Variants in BABAM2 observed in about 807,000 individuals in gnomAD.
BABAM2 encodes the protein BRISC and BRCA1-A complex member 2.
A neutral mutation model predicts 54.7 loss-of-function variants in BABAM2; 31 were observed. The ratio of observed to expected loss-of-function variants is 0.57; its 90% confidence interval spans 0.43 to 0.77. The LOEUF (loss-of-function observed/expected upper bound fraction) is 0.77, where lower values mean the gene tolerates loss of function less well. Ranked by LOEUF, BABAM2 falls within the 30% of genes least tolerant of loss-of-function variation. The pLI is 0.00. For missense variants in BABAM2, 364 were observed against 455.8 expected (o/e 0.80, Z 1.83); for synonymous variants, 167 against 162.9 (o/e 1.03, Z -0.19).
intron 10 of BABAM2, among the ~76,000 whole-genome samples, chr2:28,276,452 G>GTAA (rs370657110): frequency 3.5e-4 from 54 of 152,270 alleles, no homozygotes; most frequent in African/African-American, 1.2e-3. Context: ...ATATGCCTTT[G>GTAA]TAACGCGCAG....
intron 7 of BABAM2, among the ~76,000 whole-genome samples, chr2:28,220,272 C>T (rs1214484914): frequency 2.0e-5 from 3 of 152,148 alleles, no homozygotes; most frequent in African/African-American, 7.2e-5. Context: ...GTTACTTAAC[C>T]TCCCAAGCCT....
intron 11 of BABAM2, among the ~76,000 whole-genome samples, chr2:28,334,535 C>G (rs1269018841): frequency 1.3e-5 from 2 of 152,246 alleles, no homozygotes; most frequent in Non-Finnish European, 2.9e-5. Context: ...TTCAGCCCTC[C>G]CTGAAAGTGG....
chr2:27,903,509 G>A (rs1230573924), intron 2 of BABAM2, among the ~76,000 whole-genome samples: 1 of 152,176 alleles, frequency 6.6e-6, no homozygotes, highest in Non-Finnish European at 1.5e-5. Flanking sequence ...AGAATTGAAG[G>A]TTAGAGAAGC....
intron 11 of BABAM2, 60 bp downstream of exon 11, chr2:28,298,551 G>T: frequency 1.9e-6 from 3 of 1,598,910 alleles, no homozygotes; most frequent in Non-Finnish European, 2.6e-6. Flanking sequence ...TAGTCCAGGG[G>T]TTGGCAAGCT....
Position 28,310,080 on chromosome 2 carries a change from A to C in BABAM2, c.1088+11589A>C, listed in dbSNP as rs150302537. The C allele has an allele frequency of 3.5e-3, 5,703 of 1,614,178 alleles. 20 individuals are homozygous for C. The highest frequency in any genetic ancestry group is 4.4e-3 in the Non-Finnish European group (5,172 of 1,179,976). On this transcript the variant is annotated intron_variant, in intron 11 of 11. Coordinates refer to ENST00000379624, the MANE Select transcript of BABAM2 (RefSeq NM_199191.3). Reference sequence around the variant, plus strand: ...AGGGATTTGGTTTGTTTTTCCTTACAGAAGAGAGAGCAACAGAGATGGGGA... The same window carrying C: ...AGGGATTTGGTTTGTTTTTCCTTACCGAAGAGAGAGCAACAGAGATGGGGA...
At chr2:28,014,480 A>G (rs988436917) in intron 4 of BABAM2, among the ~76,000 whole-genome samples, 33 of 152,300 alleles carry the variant, frequency 2.2e-4, no homozygotes, top group African/African-American at 7.7e-4. Flanking sequence ...AAATGTGAGG[A>G]CTTAACCTAA....
chr2:28,092,088 A>G (rs1666201282), intron 6 of BABAM2, among the ~76,000 whole-genome samples: 1 of 152,204 alleles, frequency 6.6e-6, no homozygotes, highest in African/African-American at 2.4e-5. Context: ...AAAGCTTTAG[A>G]AAAACACTAG....
intron 7 of BABAM2, among the ~76,000 whole-genome samples, chr2:28,184,700 A>G (rs1022452300): frequency 6.6e-6 from 1 of 151,808 alleles, no homozygotes; most frequent in Admixed American, 6.6e-5. Flanking sequence ...TATGTGCCAT[A>G]TTTTCTTAAT....
intron 2 of BABAM2, 28 bp from the exon 3 acceptor site, chr2:27,929,798 TCTTTTC>T: frequency 6.3e-7 from 1 of 1,588,342 alleles, no homozygotes; most frequent in Non-Finnish European, 8.6e-7. Context: ...TTTTAAAAAA[TCTTTTC>T]TTTCTTCTGT....
chr2:28,312,889 C>T (rs1425269137), intron 11 of BABAM2, among the ~76,000 whole-genome samples: 1 of 152,192 alleles, frequency 6.6e-6, no homozygotes, highest in Non-Finnish European at 1.5e-5. Context: ...TCATCATTTT[C>T]ATTTCCTAGA....
chr2:28,221,825 A>G (rs983878351), intron 7 of BABAM2, among the ~76,000 whole-genome samples: 6 of 152,142 alleles, frequency 3.9e-5, no homozygotes, highest in African/African-American at 1.4e-4. Flanking sequence ...TTTCAAGTCT[A>G]GAGTTGGGTT....
intron 9 of BABAM2, among the ~76,000 whole-genome samples, chr2:28,242,057 A>G (rs1353061504): frequency 6.6e-6 from 1 of 152,058 alleles, no homozygotes; most frequent in East Asian, 1.9e-4. Context: ...TGAACCAGGC[A>G]GGCATCACCG....
chr2:27,909,924 A>C (rs1478724006), intron 2 of BABAM2, among the ~76,000 whole-genome samples: 2 of 152,130 alleles, frequency 1.3e-5, no homozygotes, highest in Non-Finnish European at 2.9e-5. Context: ...ATCATTAATA[A>C]TTTTTCATTG....
intron 4 of BABAM2, among the ~76,000 whole-genome samples, chr2:28,012,161 C>G (rs1558655843): frequency 6.6e-6 from 1 of 152,136 alleles, no homozygotes; most frequent in Non-Finnish European, 1.5e-5. Context: ...CCAGGAAAAA[C>G]AGTAACAAGC....
At chr2:28,040,117 T>C (rs13001080) in intron 5 of BABAM2, among the ~76,000 whole-genome samples, 1 of 152,024 alleles carries the variant, frequency 6.6e-6, no homozygotes, top group Non-Finnish European at 1.5e-5. Flanking sequence ...TAAAACCACA[T>C]GAAAAGTCAT....
At position 28,071,200 on chromosome 2, in the gene BABAM2, A is replaced by G. The variant is rs150632052; in HGVS notation, c.570+25401A>G. Among the ~76,000 whole-genome samples, 25 of 152,168 alleles carry G rather than the reference A, an allele frequency of 1.6e-4. No individual in the cohort carries two copies. The East Asian group carries it at 4.2e-3, about 26-fold the overall frequency. ...TTCATCACCGAGCTGCCCCTCAACT[A>G]TGGTTGAGTCTTACCCATTGTTTTA... On this transcript the variant is annotated intron_variant, in intron 6 of 11. Transcript: ENST00000379624.
intron 6 of BABAM2, among the ~76,000 whole-genome samples, chr2:28,051,215 C>T (rs1055839578): frequency 3.3e-5 from 5 of 152,146 alleles, no homozygotes; most frequent in African/African-American, 7.2e-5. Context: ...CACAGCTTCC[C>T]AAAATGTGCG....
At chr2:27,913,283 T>G (rs933450646) in intron 2 of BABAM2, among the ~76,000 whole-genome samples, 2 of 152,192 alleles carry the variant, frequency 1.3e-5, no homozygotes, top group African/African-American at 4.8e-5. Context: ...TTATTATGGA[T>G]TAGTAATAAT....
chr2:28,311,761 A>G (rs539832612), intron 11 of BABAM2, among the ~76,000 whole-genome samples: 1 of 152,200 alleles, frequency 6.6e-6, no homozygotes, highest in Non-Finnish European at 1.5e-5. Context: ...AAGGTAGCTG[A>G]GCATACTTTT....
Sources: allele counts gnomAD v4.1 joint callset (sites outside exome capture counted in the v4.1 genomes callset), GRCh38; gene constraint gnomAD v4.1.1; transcripts MANE v1.5; gene names NCBI Gene and HGNC (gene_info 2026-07-23, HGNC 2026-07-21).